The following SLC28A2 variants were observed in gnomAD, a reference collection of about 807,000 sequenced individuals.
The protein encoded by SLC28A2 is sodium/nucleoside cotransporter 2.
A neutral mutation model predicts 72.9 loss-of-function variants in SLC28A2; 69 were observed. That is an observed-to-expected ratio of 0.95 (90% CI 0.78 to 1.16). The LOEUF (loss-of-function observed/expected upper bound fraction) is 1.16, where lower values mean the gene tolerates loss of function less well. Ranked by LOEUF, SLC28A2 falls within the 50% of genes most tolerant of loss-of-function variation. The probability of loss-of-function intolerance (pLI) is 0.00; values close to 1 mark genes in which losing one functional copy is unlikely to be tolerated. For synonymous variants in SLC28A2, 296 were observed against 294.1 expected (o/e 1.01, Z -0.07); for missense variants, 745 against 791.1 (o/e 0.94, Z 0.70).
intron 3 of SLC28A2, chr15:45,253,821 A>G (rs1328904152): frequency 5.1e-6 from 1 of 197,524 alleles, no homozygotes; most frequent in Non-Finnish European, 1.0e-5. Context: ...TATTTTCATT[A>G]CAACAGGTAG....
In SLC28A2 at chr15:45,270,196, T is replaced by G; in HGVS notation, c.1568T>G (p.Val523Gly). The G allele has an allele frequency of 6.2e-7, 1 of 1,610,896 alleles. No homozygotes were observed. Among genetic ancestry groups the G allele is most frequent in the Non-Finnish European group, 8.5e-7 (1 of 1,177,006 alleles). Residue 523 changes from valine to glycine, a missense_variant and splice_region_variant, in exon 15 of 18, where the codon GTG (valine) becomes GGG (glycine). Physicochemically the swap from Val to Gly is moderately radical, Grantham distance 109 (BLOSUM62 -3). Transcript: ENST00000347644. ...CTTATTTATTTTTGTTTTCCCTAGG[T>G]GAGAGCTGAAATCATTACAACATTT... The part of the protein sequence containing the change: ...WIEGEKQWIS[V>G]RAEIITTFSL...
chr15:45,264,400 G>A (rs927450523), intron 6 of SLC28A2, among the ~76,000 whole-genome samples: 1 of 152,222 alleles, frequency 6.6e-6, no homozygotes, highest in Non-Finnish European at 1.5e-5. Flanking sequence ...TTATTTGTAT[G>A]TATGCATGCA....
chr15:45,264,602 C>A, intron 6 of SLC28A2, 53 bp from the exon 7 acceptor site: 1 of 1,219,964 alleles, frequency 8.2e-7, no homozygotes, highest in Non-Finnish European at 1.2e-6. Context: ...AAACTCCAAC[C>A]AGGTAATGGA....
Position 45,275,848 on chromosome 15 carries a change from T to C in SLC28A2, c.*335T>C, listed in dbSNP as rs1256151728. 6.4e-6 allele frequency: 1 copy of C among 155,576 alleles called. No homozygotes were observed. Among genetic ancestry groups the C allele is most frequent in the Admixed American group, 7.0e-5 (1 of 14,222 alleles). 9.6% of individuals were successfully genotyped at this position (155,576 alleles called of 1,614,324 possible). A position where few individuals can be genotyped will look rare whatever the true frequency, so the allele number is the denominator to read the frequency against. On this transcript the variant is annotated 3_prime_UTR_variant, in exon 18 of 18. Transcript: ENST00000347644. The stretch of plus-strand genomic sequence containing the variant: ...TACTCGCGAGGCTGAGGCAGGAGAA[T>C]GGCGTGAATCCGGGAGGCGGAGCTT...
At chr15:45,254,865 T>C (rs1247429698) in intron 3 of SLC28A2, among the ~76,000 whole-genome samples, 2 of 152,228 alleles carry the variant, frequency 1.3e-5, no homozygotes, top group African/African-American at 4.8e-5. Context: ...CATGCTTACA[T>C]GATATTTCAT....
intron 6 of SLC28A2, among the ~76,000 whole-genome samples, 196 bp downstream of exon 6, chr15:45,264,218 C>T (rs1319613300): frequency 6.6e-6 from 1 of 152,156 alleles, no homozygotes; most frequent in African/African-American, 2.4e-5. Flanking sequence ...CACTTATTTT[C>T]AAACTGTAGA....
chr15:45,260,837 C>T (rs1357034270), intron 3 of SLC28A2, among the ~76,000 whole-genome samples: 1 of 152,186 alleles, frequency 6.6e-6, no homozygotes, highest in Non-Finnish European at 1.5e-5. Context: ...TTGAGTTGAT[C>T]CAGTCAGATG....
chr15:45,272,802 A>C lies in SLC28A2; in HGVS notation c.1859+18A>C. 1 of 1,348,796 alleles carries C rather than the reference A, an allele frequency of 7.4e-7. No individual in the cohort carries two copies. Among genetic ancestry groups the C allele is most frequent in the Non-Finnish European group, 1.1e-6 (1 of 938,094 alleles). The allele number at this position is 1,348,796 out of a possible 1,614,324, so 83.6% of individuals were successfully genotyped here. On this transcript the variant is annotated intron_variant, in intron 17 of 17. Transcript: ENST00000347644. ...TTTCAGAGGTGAGCACCAGGACCCCATTCCTTTCTCTCACACACGGCCCTC... is the reference window on the plus strand; with the variant it reads ...TTTCAGAGGTGAGCACCAGGACCCCCTTCCTTTCTCTCACACACGGCCCTC...
Position 45,270,278 on chromosome 15 carries a change from T to C in SLC28A2, c.1648+2T>C. The C allele has an allele frequency of 6.2e-7, 1 of 1,604,114 alleles. No individual in the cohort carries two copies. Among genetic ancestry groups the C allele is most frequent in the Non-Finnish European group, 8.5e-7 (1 of 1,170,966 alleles). ...TAGGAATCACACTTGGAGGCTTGAG[T>C]GAGTTCATCCATTTTCCCAGCTCCC... On this transcript the variant is annotated splice_donor_variant, in intron 15 of 17. Coordinates refer to ENST00000347644, the MANE Select transcript of SLC28A2 (RefSeq NM_004212.4). LOFTEE classifies it high-confidence loss of function.
At position 45,268,276 on chromosome 15, in the gene SLC28A2, T is replaced by C. The variant is rs1247918569; in HGVS notation, c.1266T>C (p.Asn422=). 2 of 1,611,810 alleles carry C rather than the reference T, an allele frequency of 1.2e-6. No homozygotes were observed. Among genetic ancestry groups the C allele is most frequent in the Non-Finnish European group, 1.7e-6 (2 of 1,177,962 alleles). The part of the protein sequence containing the change: ...GAVDAIGLAT[N]VAANLIAFLA... ...TAGATGCCATAGGCCTTGCTACTAA[T>C]GTAGCAGCCAACCTGATTGCCTTTT... The change falls in exon 13 of 18, where the codon AAT becomes AAC. Residue 422 remains asparagine, a synonymous_variant. Coordinates refer to ENST00000347644, the MANE Select transcript of SLC28A2 (RefSeq NM_004212.4).
rs751133208 is a variant in SLC28A2, at chr15:45,272,796, G to A, written c.1859+12G>A. On this transcript the variant is annotated intron_variant, in intron 17 of 17. Transcript: ENST00000347644. ...GGGCTCTTTCAGAGGTGAGCACCAG[G>A]ACCCCATTCCTTTCTCTCACACACG... 7.1e-7 allele frequency: 1 copy of A among 1,409,310 alleles called. No individual in the cohort carries two copies. The highest frequency in any genetic ancestry group is 1.7e-5 in the Admixed American group (1 of 59,760). The allele number at this position is 1,409,310 out of a possible 1,614,324, so 87.3% of individuals were successfully genotyped here.
chr15:45,275,571 G>C lies in SLC28A2; in HGVS notation c.*58G>C. The C allele has an allele frequency of 9.3e-7, 1 of 1,078,712 alleles. No homozygotes were observed. The highest frequency in any genetic ancestry group is 1.4e-6 in the Non-Finnish European group (1 of 701,880). The allele number at this position is 1,078,712 out of a possible 1,614,324, so 66.8% of individuals were successfully genotyped here. ...TCTTAAAAGCTTTGTGATTGCAAAG[G>C]TGTTTATGTACTCAGGGTGCCCACA... is the stretch of plus-strand genomic sequence containing the variant. On this transcript the variant is annotated 3_prime_UTR_variant, in exon 18 of 18. Transcript: ENST00000347644.
chr15:45,253,700 G>T (rs1388317673), intron 3 of SLC28A2, 180 bp downstream of exon 3: 1 of 526,882 alleles, frequency 1.9e-6, no homozygotes, highest in Non-Finnish European at 3.4e-6. Flanking sequence ...AAGGAGTTCA[G>T]CAGTATCAGT....
At chr15:45,275,374 C>T (rs759045876) in intron 17 of SLC28A2, 22 bp from the exon 18 acceptor site, 1 of 1,400,540 alleles carries the variant, frequency 7.1e-7, no homozygotes, top group Non-Finnish European at 1.0e-6. Flanking sequence ...CCCTTATGTA[C>T]CTCTCTGGTT....
rs535307736 is a variant in SLC28A2 at position 45,263,757 on chromosome 15, A to G, written c.447-124A>G. On this transcript the variant is annotated intron_variant, in intron 5 of 17. Coordinates refer to ENST00000347644, the MANE Select transcript of SLC28A2 (RefSeq NM_004212.4). ...GGCGTCTACAGCAGCCACAGCTCTA[A>G]CAATGGCACATGCATGGCCTTTGAT... The G allele has an allele frequency of 2.4e-5, 21 of 884,552 alleles. No individual in the cohort carries two copies. In the African/African-American group the frequency reaches 3.2e-4, roughly 14 times the overall value. 54.8% of individuals were successfully genotyped at this position (884,552 alleles called of 1,614,324 possible).
intron 5 of SLC28A2, 51 bp from the exon 6 acceptor site, chr15:45,263,830 T>G (rs374724908): frequency 1.3e-5 from 21 of 1,557,454 alleles, no homozygotes; most frequent in Non-Finnish European, 1.8e-5. Context: ...TGTAAGTTAT[T>G]TGTTTTTCAT....
chr15:45,256,151 G>A (rs1318392057), intron 3 of SLC28A2: 3 of 152,066 alleles, frequency 2.0e-5, no homozygotes, highest in Non-Finnish European at 4.4e-5. Flanking sequence ...TATAAACCAT[G>A]TTAACTAGTT....
chr15:45,265,073 C>CT lies in SLC28A2; in HGVS notation c.703-9dup. 3.1e-6 allele frequency: 5 copies of CT among 1,593,342 alleles called. No homozygotes were observed. The highest frequency in any genetic ancestry group is 1.1e-5 in the South Asian group (1 of 90,630). On this transcript the variant is annotated splice_polypyrimidine_tract_variant and intron_variant, in intron 7 of 17. Transcript: ENST00000347644. ...TTTCATTCTTATTCTCTGTCTTTTT[C>CT]TTTTTTTCCCTTCAGATTTTCCTGA...
intron 3 of SLC28A2, chr15:45,255,842 T>C (rs921605004): frequency 2.6e-5 from 4 of 152,240 alleles, no homozygotes; most frequent in Admixed American, 1.3e-4. Flanking sequence ...TATACGTTTA[T>C]ATAGTTTTAA....
Sources: allele counts gnomAD v4.1 joint callset (sites outside exome capture counted in the v4.1 genomes callset), GRCh38; gene constraint gnomAD v4.1.1; transcripts MANE v1.5; gene names NCBI Gene and HGNC (gene_info 2026-07-23, HGNC 2026-07-21).